Variants in PRKAR1B observed in about 807,000 individuals in gnomAD.
PRKAR1B encodes the protein cAMP-dependent protein kinase type I-beta regulatory subunit.
In PRKAR1B, 22 loss-of-function variants were observed where a neutral mutation model predicts 46.5. That is an observed-to-expected ratio of 0.47 (90% CI 0.34 to 0.68). The LOEUF (loss-of-function observed/expected upper bound fraction) is 0.68. PRKAR1B is among the 30% of genes least tolerant of loss of function. The probability of loss-of-function intolerance (pLI) is 0.01; values close to 1 mark genes in which losing one functional copy is unlikely to be tolerated. For missense variants in PRKAR1B, 445 were observed against 535.6 expected (o/e 0.83, Z 1.67); for synonymous variants, 259 against 217.7 (o/e 1.19, Z -1.67).
chr7:560,691 G>C lies in PRKAR1B; in HGVS notation c.892-9221C>G, dbSNP rs1778728789. Among the ~76,000 whole-genome samples, 1 of 152,222 alleles carries C rather than the reference G, an allele frequency of 6.6e-6. No individual in the cohort carries two copies. Reference sequence around the variant, plus strand: ...TCAGGCAAGGCCCATAGCTGCTCCAGCCTCAGCTGCCTCATCTGTTATATG... The same window carrying C: ...TCAGGCAAGGCCCATAGCTGCTCCACCCTCAGCTGCCTCATCTGTTATATG... On this transcript the variant is annotated intron_variant, in intron 9 of 10. Transcript: ENST00000537384. The surrounding 1 kb of genome is among the most constrained non-coding windows in gnomAD (Gnocchi z 4.2).
chr7:594,462 T>C (rs1233830648), intron 7 of PRKAR1B, among the ~76,000 whole-genome samples: 1 of 152,164 alleles, frequency 6.6e-6, no homozygotes, highest in East Asian at 1.9e-4. Flanking sequence ...TTCTGCTGTG[T>C]CACCCCCAAC....
Position 550,356 on chromosome 7 carries a change from C to T in PRKAR1B, c.*74G>A, listed in dbSNP as rs1784102572. On this transcript the variant is annotated 3_prime_UTR_variant, in exon 11 of 11. Coordinates refer to ENST00000537384, the MANE Select transcript of PRKAR1B (RefSeq NM_001164760.2). The stretch of plus-strand genomic sequence containing the variant: ...CGGCCCACACCTCACACAGCGGCTC[C>T]CGGGCCCCCGACACAGACGAGCAGG... 2.1e-6 allele frequency: 3 copies of T among 1,443,852 alleles called. No individual in the cohort carries two copies. The highest frequency in any genetic ancestry group is 2.8e-6 in the Non-Finnish European group (3 of 1,054,912). 89.4% of individuals were successfully genotyped at this position (1,443,852 alleles called of 1,614,324 possible). A position where few individuals can be genotyped will look rare whatever the true frequency, so the allele number is the denominator to read the frequency against.
chr7:664,110 C>T (rs1480143788), intron 4 of PRKAR1B, among the ~76,000 whole-genome samples: 1 of 152,168 alleles, frequency 6.6e-6, no homozygotes, highest in East Asian at 1.9e-4. Flanking sequence ...AGGGCCCTCC[C>T]CACGCAACCT....
At chr7:629,265 AG>A (rs1483041756) in intron 4 of PRKAR1B, among the ~76,000 whole-genome samples, 1 of 152,124 alleles carries the variant, frequency 6.6e-6, no homozygotes, top group Non-Finnish European at 1.5e-5. Context: ...ATGCTGCAGG[AG>A]CGGGGCCACA....
chr7:638,710 C>G (rs528181354), intron 4 of PRKAR1B, among the ~76,000 whole-genome samples: 1 of 152,304 alleles, frequency 6.6e-6, no homozygotes, highest in Non-Finnish European at 1.5e-5. Flanking sequence ...TGAGAAGATT[C>G]AATATTGACA....
At chr7:658,798 C>T (rs983938125) in intron 4 of PRKAR1B, among the ~76,000 whole-genome samples, 1 of 151,908 alleles carries the variant, frequency 6.6e-6, no homozygotes, top group African/African-American at 2.4e-5. Context: ...CTACAGGCAC[C>T]CACCATCATG....
chr7:671,298 C>T (rs909881261), intron 4 of PRKAR1B, among the ~76,000 whole-genome samples: 2 of 152,316 alleles, frequency 1.3e-5, no homozygotes, highest in East Asian at 3.9e-4. Flanking sequence ...CTGGAGGGAA[C>T]AGCTCAGGGG....
At position 666,026 on chromosome 7, in the gene PRKAR1B, G is replaced by A. The variant is rs866064720; in HGVS notation, c.440+11203C>T. Among the ~76,000 whole-genome samples, 6 of 152,220 alleles carry A rather than the reference G, an allele frequency of 3.9e-5. No individual in the cohort carries two copies. Among genetic ancestry groups the A allele is most frequent in the African/African-American group, 1.2e-4 (5 of 41,460 alleles). On this transcript the variant is annotated intron_variant, in intron 4 of 10. Coordinates refer to ENST00000537384, the MANE Select transcript of PRKAR1B (RefSeq NM_001164760.2). This position sits in a 1 kb window ranked among gnomAD's most constrained non-coding sequence, Gnocchi z 4.9. ...GGGTGAGGTGCCCTCGCCTGTGCCC[G>A]TCTGGCAGCTCCAGTAATGAGGTCC...
At chr7:554,870 G>C (rs912256417) in intron 9 of PRKAR1B, among the ~76,000 whole-genome samples, 9 of 152,214 alleles carry the variant, frequency 5.9e-5, no homozygotes, top group Non-Finnish European at 1.0e-4. Context: ...CCGGAAGATA[G>C]GGGAGGGCTC....
intron 6 of PRKAR1B, among the ~76,000 whole-genome samples, chr7:601,888 G>C (rs554781971): frequency 2.0e-5 from 3 of 152,164 alleles, no homozygotes; most frequent in South Asian, 2.1e-4. Flanking sequence ...GACCCGGGGG[G>C]GCTGGGGAGG....
At chr7:583,268 G>T (rs897465699) in intron 8 of PRKAR1B, among the ~76,000 whole-genome samples, 12 of 152,142 alleles carry the variant, frequency 7.9e-5, no homozygotes, top group African/African-American at 1.2e-4. Context: ...ACATTTCACA[G>T]AAGGATTTCA....
chr7:594,118 G>T (rs539400197), intron 7 of PRKAR1B, among the ~76,000 whole-genome samples: 13 of 152,074 alleles, frequency 8.5e-5, no homozygotes, highest in Admixed American at 3.9e-4. Context: ...CATCCCCCAG[G>T]ACTCTCCCCA....
intron 4 of PRKAR1B, among the ~76,000 whole-genome samples, chr7:639,882 T>A (rs927581511): frequency 1.4e-4 from 20 of 146,526 alleles, no homozygotes; most frequent in African/African-American, 5.1e-4. Flanking sequence ...AAAGAAAAAC[T>A]GGCCGGGTGC....
intron 4 of PRKAR1B, among the ~76,000 whole-genome samples, chr7:657,067 G>C (rs1052086529): frequency 6.6e-6 from 1 of 152,110 alleles, no homozygotes; most frequent in Non-Finnish European, 1.5e-5. Flanking sequence ...ATGAGTGAAT[G>C]CATGGATGGG....
intron 4 of PRKAR1B, among the ~76,000 whole-genome samples, chr7:636,499 A>T (rs1019363360): frequency 6.6e-6 from 1 of 151,936 alleles, no homozygotes; most frequent in African/African-American, 2.4e-5. Flanking sequence ...GGGCTCCTTC[A>T]CCAGGGGTGG....
chr7:669,813 C>T (rs976993269), intron 4 of PRKAR1B, among the ~76,000 whole-genome samples: 2 of 151,196 alleles, frequency 1.3e-5, no homozygotes, highest in African/African-American at 2.4e-5. Context: ...TATATATTTG[C>T]CACAATGAAA....
Position 571,734 on chromosome 7 carries a change from C to T in PRKAR1B, c.891+7522G>A, listed in dbSNP as rs34070897. Among the ~76,000 whole-genome samples, 958 of 152,268 alleles carry T rather than the reference C, an allele frequency of 6.3e-3. 3 individuals carry two copies. The highest frequency in any genetic ancestry group is 0.017 in the Middle Eastern group (5 of 294). ...AACTCCAGGGGCCTGGAAAAGCAGG[C>T]GTGCGGCCCCAGATGGAGGAATGTG... On this transcript the variant is annotated intron_variant, in intron 9 of 10. Coordinates refer to ENST00000537384, the MANE Select transcript of PRKAR1B (RefSeq NM_001164760.2).
At chr7:673,968 T>C (rs558299493) in intron 4 of PRKAR1B, among the ~76,000 whole-genome samples, 2 of 152,348 alleles carry the variant, frequency 1.3e-5, no homozygotes, top group Admixed American at 1.3e-4. Flanking sequence ...TTGTGTTGCA[T>C]GGCCTCTTCC....
At chr7:566,272 C>T (rs1779125298) in intron 9 of PRKAR1B, among the ~76,000 whole-genome samples, 1 of 151,872 alleles carries the variant, frequency 6.6e-6, no homozygotes, top group South Asian at 2.1e-4. Context: ...TCACCATCTT[C>T]ACCAACTCAT....
Sources: gnomAD v4.1 joint callset for allele counts (sites outside exome capture counted in the v4.1 genomes callset) on GRCh38, gnomAD v4.1.1 for gene constraint, Gnocchi (gnomAD v3.1) non-coding constraint, MANE v1.5 for transcripts, NCBI Gene and HGNC (gene_info 2026-07-23, HGNC 2026-07-21) for gene names.